Variants in MYO5C observed in about 807,000 individuals in gnomAD.
The protein encoded by MYO5C is myosin VC.
Under a neutral mutation model 235.7 loss-of-function variants are expected in MYO5C, and 194 were observed. The observed-to-expected ratio is 0.82, with a 90% CI of 0.73 to 0.93. The LOEUF is 0.93. Ranked by LOEUF, MYO5C falls within the 40% of genes least tolerant of loss-of-function variation. MYO5C has a pLI of 0.00. For missense variants in MYO5C, 2,038 were observed against 2,127.2 expected, an observed-to-expected ratio of 0.96 and a Z score of 0.82; for synonymous variants, 707 against 754.8, an observed-to-expected ratio of 0.94 and a Z score of 1.04.
chr15:52,194,822 G>A (rs1024267948), intron 40 of MYO5C, among the ~76,000 whole-genome samples: 1 of 151,436 alleles, frequency 6.6e-6, no homozygotes, highest in Non-Finnish European at 1.5e-5. Context: ...ATGTTATTTT[G>A]GTTGAAGTAC....
intron 1 of MYO5C, among the ~76,000 whole-genome samples, chr15:52,291,745 T>TTGTTTTTG (rs1555422097): frequency 0.057 from 5,924 of 103,734 alleles, 459 homozygotes; most frequent in Middle Eastern, 0.09. Context: ...TTTTTTTTTT[T>TTGTTTTTG]TTTTTTTTTT....
chr15:52,223,161 AAAAAAG>A (rs896648138), intron 29 of MYO5C, among the ~76,000 whole-genome samples: 53 of 152,112 alleles, frequency 3.5e-4, no homozygotes, highest in South Asian at 4.2e-4. Context: ...AAAAAAAAAA[AAAAAAG>A]GTGAGATTTC....
intron 25 of MYO5C, among the ~76,000 whole-genome samples, chr15:52,227,948 C>T (rs1437442879): frequency 1.3e-5 from 2 of 152,086 alleles, no homozygotes; most frequent in African/African-American, 4.8e-5. Flanking sequence ...AAAAGCTTTC[C>T]AACTTAATGA....
At chr15:52,196,509 G>A in intron 38 of MYO5C, 26 bp from the exon 39 acceptor site, 1 of 1,601,828 alleles carries the variant, frequency 6.2e-7, no homozygotes, top group Non-Finnish European at 8.5e-7. Flanking sequence ...GAAGAACAGA[G>A]AATACTTTAG....
At chr15:52,249,662 TG>T (rs2036430846) in intron 13 of MYO5C, among the ~76,000 whole-genome samples, 1 of 152,130 alleles carries the variant, frequency 6.6e-6, no homozygotes, top group African/African-American at 2.4e-5. Flanking sequence ...CCTGGATTGT[TG>T]TACAAATTCT....
chr15:52,239,905 T>C, intron 20 of MYO5C, 26 bp from the exon 21 acceptor site: 1 of 1,590,378 alleles, frequency 6.3e-7, no homozygotes, highest in Non-Finnish European at 8.6e-7. Context: ...TTGTGAAACA[T>C]AAACTGGATC....
At position 52,282,811 on chromosome 15, in the gene MYO5C, C is replaced by A. The variant is rs2037188270; in HGVS notation, c.109G>T (p.Val37Phe). The change falls in exon 2 of 41, where the codon GTC becomes TTC. Residue 37 changes from valine to phenylalanine, a missense_variant. Physicochemically the swap from Val to Phe is conservative, Grantham distance 50 (BLOSUM62 -1). Transcript: ENST00000261839. ...IAKDYRVGDK[V>F]LRLLLEDGTE... ...CCATCCTCCAGCAGGAGTCGCAGGA[C>A]CTTGTCACCAACTCTGTAGTCCTTG... 6.2e-7 allele frequency: 1 copy of A among 1,613,534 alleles called. No homozygotes were observed. The highest frequency in any genetic ancestry group is 2.2e-5 in the East Asian group (1 of 44,882).
chr15:52,269,196 C>T (rs1002694734), intron 8 of MYO5C, among the ~76,000 whole-genome samples: 5 of 152,204 alleles, frequency 3.3e-5, no homozygotes, highest in African/African-American at 4.8e-5. Flanking sequence ...AGTCACAGGG[C>T]TTGCAGCCCA....
chr15:52,288,833 CTCCCCATG>C (rs1488269422), intron 1 of MYO5C, among the ~76,000 whole-genome samples: 2 of 152,176 alleles, frequency 1.3e-5, no homozygotes, highest in Non-Finnish European at 2.9e-5. Context: ...CCTGAGTGCC[CTCCCCATG>C]CCAAGGCGCC....
intron 4 of MYO5C, among the ~76,000 whole-genome samples, chr15:52,276,014 G>C (rs1443243244): frequency 6.6e-6 from 1 of 152,014 alleles, no homozygotes; most frequent in Non-Finnish European, 1.5e-5. Context: ...CCCACTCTCT[G>C]GGCAGGATTT....
rs189319076 is a variant in MYO5C at position 52,223,778 on chromosome 15, G to A, written c.3447-54C>T. 1.9e-3 allele frequency: 2,917 copies of A among 1,523,786 alleles called. 24 individuals are homozygous for A. The Middle Eastern group carries it at 0.019, about 10-fold the overall frequency. The allele number at this position is 1,523,786 out of a possible 1,614,324, so 94.4% of individuals were successfully genotyped here. A position where few individuals can be genotyped will look rare whatever the true frequency, so the allele number is the denominator to read the frequency against. ...CACATGGCCTTTGTTCTGTTTTATG[G>A]ACTGCTGGGAGGCAGTTATGAAGAC... On this transcript the variant is annotated intron_variant, in intron 28 of 40. Transcript: ENST00000261839.
At chr15:52,266,312 C>A (rs765307847) in intron 8 of MYO5C, among the ~76,000 whole-genome samples, 3 of 152,176 alleles carry the variant, frequency 2.0e-5, no homozygotes, top group Non-Finnish European at 4.4e-5. Flanking sequence ...CCAGGGACAG[C>A]CTGATTCCAA....
At chr15:52,221,591 G>A (rs185439438) in intron 29 of MYO5C, among the ~76,000 whole-genome samples, 12 of 152,214 alleles carry the variant, frequency 7.9e-5, no homozygotes, top group South Asian at 2.1e-4. Context: ...CAGAGCCATC[G>A]TCTCCTCATC....
intron 28 of MYO5C, among the ~76,000 whole-genome samples, chr15:52,224,022 C>A (rs2035761151): frequency 6.6e-6 from 1 of 152,212 alleles, no homozygotes; most frequent in Non-Finnish European, 1.5e-5. Context: ...GTGGCTCACA[C>A]CTGTAATCCC....
intron 39 of MYO5C, among the ~76,000 whole-genome samples, 192 bp downstream of exon 39, chr15:52,196,115 CTA>C (rs914471978): frequency 6.6e-6 from 1 of 151,626 alleles, no homozygotes; most frequent in African/African-American, 2.4e-5. Context: ...CAGCCCATTT[CTA>C]TGTTTTTAAG....
chr15:52,251,717 T>G (rs1222450546), intron 12 of MYO5C, among the ~76,000 whole-genome samples: 1 of 151,860 alleles, frequency 6.6e-6, no homozygotes, highest in Non-Finnish European at 1.5e-5. Context: ...CAGGCTGGAG[T>G]GTGATGACGC....
intron 30 of MYO5C, 108 bp from the exon 31 acceptor site, chr15:52,219,930 G>A (rs890880210): frequency 1.7e-5 from 13 of 763,614 alleles, no homozygotes; most frequent in Middle Eastern, 2.3e-4. Flanking sequence ...AGGGGTGTCC[G>A]ATCTTTTGGC....
chr15:52,223,308 C>T (rs2035743315), intron 29 of MYO5C, among the ~76,000 whole-genome samples: 1 of 152,178 alleles, frequency 6.6e-6, no homozygotes, highest in Admixed American at 6.5e-5. Flanking sequence ...CTTACGCGCA[C>T]ACACAGACAA....
At chr15:52,266,116 T>C (rs1842313389) in intron 8 of MYO5C, among the ~76,000 whole-genome samples, 1 of 152,148 alleles carries the variant, frequency 6.6e-6, no homozygotes, top group African/African-American at 2.4e-5. Flanking sequence ...CTAAACCCCT[T>C]AAACTACTCC....
Sources: gnomAD v4.1 joint callset for allele counts (sites outside exome capture counted in the v4.1 genomes callset) on GRCh38, gnomAD v4.1.1 for gene constraint, MANE v1.5 for transcripts, NCBI Gene and HGNC (gene_info 2026-07-23, HGNC 2026-07-21) for gene names.